Variants in HSPA4L observed in about 807,000 individuals in gnomAD.
HSPA4L encodes the protein heat shock 70 kDa protein 4L.
HSPA4L carries 48 observed loss-of-function variants against 100.3 expected under a neutral mutation model. The observed-to-expected ratio is 0.48, with a 90% CI of 0.38 to 0.61. The LOEUF (loss-of-function observed/expected upper bound fraction) is 0.61, where lower values mean the gene tolerates loss of function less well. Among genes scored for constraint, HSPA4L ranks in the 20% least tolerant of loss-of-function variants. HSPA4L has a pLI of 0.00. For missense variants in HSPA4L, 886 were observed against 988.6 expected (o/e 0.90, Z 1.39); for synonymous variants, 319 against 328.2 (o/e 0.97, Z 0.30).
At chr4:127,824,981 A>T (rs1465718170) in intron 16 of HSPA4L, among the ~76,000 whole-genome samples, 2 of 152,008 alleles carry the variant, frequency 1.3e-5, no homozygotes, top group Non-Finnish European at 2.9e-5. Context: ...CTAAAAAAAA[A>T]TACAAAAAAT....
chr4:127,834,995 A>AAAAG lies in HSPA4L; in HGVS notation c.*2123_*2126dup, dbSNP rs1381624735. ...CTTTTTCTACCCAATTATTCAACTTAAAAGATTTCAAAAACGATTTAGCCT... is the reference window on the plus strand; with the variant it reads ...CTTTTTCTACCCAATTATTCAACTTAAAAGAAAGATTTCAAAAACGATTTAGCCT... On this transcript the variant is annotated 3_prime_UTR_variant, in exon 19 of 19. Transcript: ENST00000296464. 1 of 152,198 alleles carries AAAAG rather than the reference A, an allele frequency of 6.6e-6. No individual in the cohort carries two copies. The highest frequency in any genetic ancestry group is 2.4e-5 in the African/African-American group (1 of 41,462). The allele number at this position is 152,198 out of a possible 1,614,324, so 9.4% of individuals were successfully genotyped here. A position where few individuals can be genotyped will look rare whatever the true frequency, so the allele number is the denominator to read the frequency against.
chr4:127,821,451 A>T (rs1733811671), intron 14 of HSPA4L, among the ~76,000 whole-genome samples: 1 of 152,148 alleles, frequency 6.6e-6, no homozygotes, highest in Admixed American at 6.5e-5. Context: ...TGTTTTTATT[A>T]AAGTGAAAAT....
rs145194248 is a variant in HSPA4L at position 127,828,088 on chromosome 4, T to G, written c.2166+664T>G. On this transcript the variant is annotated intron_variant, in intron 17 of 18. Transcript: ENST00000296464. ...GGCTTTGTAGTTTTTACTGTGTCTGTACAGCTATTCTTATCTGCCACTGTA... is the reference window on the plus strand; with the variant it reads ...GGCTTTGTAGTTTTTACTGTGTCTGGACAGCTATTCTTATCTGCCACTGTA... Among the ~76,000 whole-genome samples the G allele has an allele frequency of 5.3e-3, 800 of 152,226 alleles. 9 individuals are homozygous for G. Among genetic ancestry groups the G allele is most frequent in the African/African-American group, 0.018 (758 of 41,562 alleles).
At chr4:127,825,605 G>T (rs1343381153) in intron 16 of HSPA4L, among the ~76,000 whole-genome samples, 1 of 152,120 alleles carries the variant, frequency 6.6e-6, no homozygotes, top group Non-Finnish European at 1.5e-5. Flanking sequence ...CTTCTTGGTA[G>T]TTTTTAATCC....
chr4:127,787,104 A>G (rs1732740271), intron 1 of HSPA4L, among the ~76,000 whole-genome samples: 1 of 152,090 alleles, frequency 6.6e-6, no homozygotes, highest in African/African-American at 2.4e-5. Context: ...ATTTTTTCCT[A>G]TTTCTTTACT....
chr4:127,826,861 A>T (rs1350605988), intron 16 of HSPA4L, among the ~76,000 whole-genome samples: 2 of 152,196 alleles, frequency 1.3e-5, no homozygotes, highest in Non-Finnish European at 2.9e-5. Flanking sequence ...TTAAATGTAT[A>T]AATAATATTT....
intron 1 of HSPA4L, among the ~76,000 whole-genome samples, chr4:127,789,581 G>T (rs1249185488): frequency 1.3e-5 from 2 of 151,964 alleles, no homozygotes; most frequent in South Asian, 2.1e-4. Context: ...CCGGGAGGTG[G>T]AGGTTGCAGT....
At chr4:127,832,244 A>C (rs1734101789) in intron 18 of HSPA4L, among the ~76,000 whole-genome samples, 1 of 152,172 alleles carries the variant, frequency 6.6e-6, no homozygotes, top group Non-Finnish European at 1.5e-5. Flanking sequence ...AACAAAAAAA[A>C]ATGTCGTTTG....
chr4:127,837,231 T>A lies in HSPA4L; in HGVS notation c.*4357T>A, dbSNP rs1306031915. ...TCCCAAAGTGCTGGGATTACAGGCG[T>A]GAGCCACCATACCCGGCCAAAAATT... On this transcript the variant is annotated 3_prime_UTR_variant, in exon 19 of 19. Coordinates refer to ENST00000296464, the MANE Select transcript of HSPA4L (RefSeq NM_014278.4). The A allele has an allele frequency of 6.6e-6, 1 of 152,220 alleles. No individual in the cohort carries two copies. Among genetic ancestry groups the A allele is most frequent in the Non-Finnish European group, 1.5e-5 (1 of 68,044 alleles). 9.4% of individuals were successfully genotyped at this position (152,220 alleles called of 1,614,324 possible).
chr4:127,814,495 T>A (rs1022979859), intron 12 of HSPA4L, among the ~76,000 whole-genome samples: 2 of 152,182 alleles, frequency 1.3e-5, no homozygotes, highest in African/African-American at 4.8e-5. Flanking sequence ...TTGAATAAAT[T>A]GTAGTTTATT....
intron 11 of HSPA4L, among the ~76,000 whole-genome samples, chr4:127,808,550 A>T (rs1441819334): frequency 1.3e-5 from 2 of 151,892 alleles, no homozygotes; most frequent in African/African-American, 4.8e-5. Flanking sequence ...ATACTATGTC[A>T]TTTTTTTTAA....
At chr4:127,789,085 A>G (rs902283984) in intron 1 of HSPA4L, among the ~76,000 whole-genome samples, 4 of 152,206 alleles carry the variant, frequency 2.6e-5, no homozygotes, top group Admixed American at 1.3e-4. Context: ...TTCTGGTAGT[A>G]TGTATTTTCT....
rs372249466 is a variant in HSPA4L at position 127,832,639 on chromosome 4, G to A, written c.2329-44G>A. 10 of 1,427,652 alleles carry A rather than the reference G, an allele frequency of 7.0e-6. No individual in the cohort carries two copies. The Admixed American group carries it at 2.0e-4, about 29-fold the overall frequency. 88.4% of individuals were successfully genotyped at this position (1,427,652 alleles called of 1,614,324 possible). On this transcript the variant is annotated intron_variant, in intron 18 of 18. Transcript: ENST00000296464. ...GAATTTAGAAAGTTAATGGTAACTT[G>A]TTCTGTAATCGTTTTAATATAATCA...
At position 127,835,748 on chromosome 4, in the gene HSPA4L, A is replaced by G. The variant is rs957164316; in HGVS notation, c.*2874A>G. ...TCCAAAAAACTAGAAAGAGCACAGC[A>G]AAGAATTTGGCTATTGAAATAACAG... On this transcript the variant is annotated 3_prime_UTR_variant, in exon 19 of 19. Coordinates refer to ENST00000296464, the MANE Select transcript of HSPA4L (RefSeq NM_014278.4). The G allele has an allele frequency of 6.6e-6, 1 of 151,628 alleles. No individual in the cohort carries two copies. 9.4% of individuals were successfully genotyped at this position (151,628 alleles called of 1,614,324 possible).
intron 12 of HSPA4L, chr4:127,813,480 A>G (rs1733595640): frequency 3.7e-6 from 1 of 269,626 alleles, no homozygotes; most frequent in East Asian, 7.4e-5. Flanking sequence ...GTGAAGGTAC[A>G]GTTTTTCATA....
At chr4:127,819,845 T>C (rs1733762336) in intron 13 of HSPA4L, among the ~76,000 whole-genome samples, 1 of 152,224 alleles carries the variant, frequency 6.6e-6, no homozygotes, top group Non-Finnish European at 1.5e-5. Context: ...TATGAATACA[T>C]ACCACATTTT....
intron 12 of HSPA4L, among the ~76,000 whole-genome samples, chr4:127,812,202 G>T (rs930345985): frequency 4.6e-5 from 7 of 151,996 alleles, no homozygotes; most frequent in African/African-American, 1.7e-4. Context: ...GAGGTCAGGA[G>T]ATCGAGACCA....
chr4:127,793,610 C>T (rs767766771), intron 1 of HSPA4L, among the ~76,000 whole-genome samples: 6 of 152,142 alleles, frequency 3.9e-5, no homozygotes, highest in Non-Finnish European at 8.8e-5. Flanking sequence ...AAGCATTTAC[C>T]TATATCCATT....
intron 4 of HSPA4L, among the ~76,000 whole-genome samples, chr4:127,800,360 C>G (rs1185547459): frequency 6.6e-6 from 1 of 151,916 alleles, no homozygotes; most frequent in East Asian, 1.9e-4. Context: ...CTCAGCTACT[C>G]AGGGGGCTGA....
Sources: gnomAD v4.1 joint callset for allele counts (sites outside exome capture counted in the v4.1 genomes callset) on GRCh38, gnomAD v4.1.1 for gene constraint, MANE v1.5 for transcripts, NCBI Gene and HGNC (gene_info 2026-07-23, HGNC 2026-07-21) for gene names.